The following RBM33 variants were observed in gnomAD, a reference collection of about 807,000 sequenced individuals.
The protein encoded by RBM33 is RNA-binding protein 33.
Under a neutral mutation model 132.6 loss-of-function variants are expected in RBM33, and 28 were observed. The ratio of observed to expected loss-of-function variants is 0.21; its 90% CI spans 0.16 to 0.29. The LOEUF (loss-of-function observed/expected upper bound fraction) is 0.29. Among genes scored for constraint, RBM33 ranks in the 10% least tolerant of loss-of-function variants. RBM33 has a pLI of 1.00. For synonymous variants in RBM33, 634 were observed against 593.0 expected (o/e 1.07, Z -1.01); for missense variants, 1,291 against 1,518.5 (o/e 0.85, Z 2.49).
At chr7:155,666,094 A>G (rs1471838489) in intron 2 of RBM33, among the ~76,000 whole-genome samples, 1 of 152,224 alleles carries the variant, frequency 6.6e-6, no homozygotes, top group East Asian at 1.9e-4. Flanking sequence ...AGGATTCTCC[A>G]GAGGAGCAGA....
chr7:155,747,969 G>A (rs1406544750), intron 14 of RBM33, among the ~76,000 whole-genome samples: 1 of 152,170 alleles, frequency 6.6e-6, no homozygotes, highest in African/African-American at 2.4e-5. Context: ...ATTTATTTTG[G>A]CTTGTGTTTC....
intron 9 of RBM33, among the ~76,000 whole-genome samples, chr7:155,723,302 T>C (rs1800679771): frequency 6.6e-6 from 1 of 152,236 alleles, no homozygotes; most frequent in Non-Finnish European, 1.5e-5. Context: ...TTTTACAACA[T>C]GCTTGCAATG....
At chr7:155,686,867 T>G (rs1799494101) in intron 5 of RBM33, among the ~76,000 whole-genome samples, 1 of 152,336 alleles carries the variant, frequency 6.6e-6, no homozygotes, top group African/African-American at 2.4e-5. Flanking sequence ...ATTTTCTTAA[T>G]CCAGTCTATC....
At chr7:155,729,742 C>CAA (rs5888634) in intron 9 of RBM33, among the ~76,000 whole-genome samples, 135 of 101,376 alleles carry the variant, frequency 1.3e-3, no homozygotes, top group African/African-American at 3.9e-3. Context: ...GTCTCTTTAA[C>CAA]AAAAAAAAAA....
In RBM33 at chr7:155,774,684, G is replaced by A. The variant is rs778821026; in HGVS notation, c.3464+37G>A. On this transcript the variant is annotated intron_variant, in intron 17 of 17. Transcript: ENST00000401878. The surrounding 1 kb of genome is among the most constrained non-coding windows in gnomAD (Gnocchi z 4.2). Reference sequence around the variant, plus strand: ...GTTCTGTGCTTGTGGTGATAAGGGGGCGGGAGCAAGGCCCTCCTTCCTGTG... The same window carrying A: ...GTTCTGTGCTTGTGGTGATAAGGGGACGGGAGCAAGGCCCTCCTTCCTGTG... 6.5e-6 allele frequency: 10 copies of A among 1,531,044 alleles called. No homozygotes were observed. The South Asian group carries it at 1.0e-4, about 15-fold the overall frequency. 94.8% of individuals were successfully genotyped at this position (1,531,044 alleles called of 1,614,324 possible).
In RBM33 at chr7:155,738,127, G is replaced by A. The variant is rs761819758; in HGVS notation, c.1461G>A (p.Pro487=). ...AGCGAAGTCCCCCTCCACCACCACC[G>A]CCTCCTACCCTTCTTAACAGTAGCC... ...LEQRSPPPPP[P]PPTLLNSSHP... Residue 487 remains proline (P), a synonymous_variant, in exon 11 of 18, where the codon CCG becomes CCA. Transcript: ENST00000401878. The A allele has an allele frequency of 2.0e-5, 32 of 1,613,612 alleles. No individual in the cohort carries two copies. The highest frequency in any genetic ancestry group is 9.4e-5 in the African/African-American group (7 of 74,818).
At chr7:155,661,397 T>C (rs954034861) in intron 1 of RBM33, among the ~76,000 whole-genome samples, 8 of 149,402 alleles carry the variant, frequency 5.4e-5, no homozygotes, top group African/African-American at 9.9e-5. Flanking sequence ...GGTTTTTTTT[T>C]TTTCTTTCTT....
intron 14 of RBM33, among the ~76,000 whole-genome samples, chr7:155,751,542 C>G (rs1221281308): frequency 6.6e-6 from 1 of 152,150 alleles, no homozygotes; most frequent in African/African-American, 2.4e-5. Flanking sequence ...GTTTCTTGCC[C>G]TTGACCTTTT....
chr7:155,673,555 TATATACACAC>T (rs1304057051), intron 3 of RBM33, among the ~76,000 whole-genome samples: 1 of 91,692 alleles, frequency 1.1e-5, no homozygotes, highest in Non-Finnish European at 2.2e-5. Context: ...CACGTGTATA[TATATACACAC>T]ATATACATAC....
intron 7 of RBM33, among the ~76,000 whole-genome samples, chr7:155,709,232 A>G (rs1436848802): frequency 6.6e-6 from 1 of 152,116 alleles, no homozygotes; most frequent in East Asian, 1.9e-4. Context: ...GCATATGTTT[A>G]TGAGGTACAG....
chr7:155,742,180 C>G (rs1801365316), intron 13 of RBM33, 74 bp downstream of exon 13: 24 of 1,347,714 alleles, frequency 1.8e-5, no homozygotes, highest in Non-Finnish European at 2.4e-5. Flanking sequence ...TGTCTTAGTT[C>G]ACTCTCACTA....
At chr7:155,691,068 A>T (rs1799624885) in intron 5 of RBM33, among the ~76,000 whole-genome samples, 1 of 152,220 alleles carries the variant, frequency 6.6e-6, no homozygotes, top group South Asian at 2.1e-4. Context: ...AGTGTTTTCC[A>T]ACTTGGTTCC....
chr7:155,737,962 G>A (rs1189162761), intron 10 of RBM33, 98 bp from the exon 11 acceptor site: 1 of 1,096,152 alleles, frequency 9.1e-7, no homozygotes. Context: ...GTCAACACTT[G>A]TGACTTCTGT....
intron 9 of RBM33, among the ~76,000 whole-genome samples, chr7:155,721,657 T>C: frequency 6.7e-6 from 1 of 148,936 alleles, no homozygotes; most frequent in Admixed American, 6.7e-5. Flanking sequence ...TGAGTTATAA[T>C]ACCTCTAGTT....
At chr7:155,672,839 T>TTGACA (rs747639812) in intron 2 of RBM33, 28 bp from the exon 3 acceptor site, 6 of 1,526,486 alleles carry the variant, frequency 3.9e-6, no homozygotes. Context: ...GGAATAATCA[T>TTGACA]TGACATGTCT....
chr7:155,763,793 G>C lies in RBM33; in HGVS notation c.2980-19G>C. 3.1e-6 allele frequency: 5 copies of C among 1,598,780 alleles called. No homozygotes were observed. The highest frequency in any genetic ancestry group is 4.3e-6 in the Non-Finnish European group (5 of 1,172,544). The stretch of plus-strand genomic sequence containing the variant: ...TGGAGCAGACACTGAACAACGTGCT[G>C]CCTTCTTGGTTTCAGCAGGGAGGAG... On this transcript the variant is annotated intron_variant, in intron 14 of 17. Transcript: ENST00000401878.
intron 9 of RBM33, among the ~76,000 whole-genome samples, chr7:155,735,940 A>G (rs927731008): frequency 2.0e-5 from 3 of 152,194 alleles, no homozygotes; most frequent in African/African-American, 7.2e-5. Context: ...AGGCAATAGT[A>G]TGCTGTGGAT....
chr7:155,766,501 G>C lies in RBM33; in HGVS notation c.3221G>C (p.Gly1074Ala). 1 of 1,613,732 alleles carries C rather than the reference G, an allele frequency of 6.2e-7. No homozygotes were observed. Among genetic ancestry groups the C allele is most frequent in the South Asian group, 1.1e-5 (1 of 91,062 alleles). ...CACGGACGAGGCAGAGGAGTGGCCG[G>C]TCCCATGGGCCGGGGGCGCCTGATG... ...IMHGRGRGVAGPMGRGRLMPN... is the reference protein window; with the variant it reads ...IMHGRGRGVAAPMGRGRLMPN... The change falls in exon 16 of 18, where the codon GGT becomes GCT. Residue 1074 changes from glycine to alanine, a missense_variant. Gly to Ala is a moderately conservative substitution (Grantham distance 60). Around this residue, in one of 7 missense-constraint regions of RBM33, gnomAD observed 841 missense variants for 912.0 expected, o/e 0.92. Coordinates refer to ENST00000401878, the MANE Select transcript of RBM33 (RefSeq NM_053043.3).
intron 5 of RBM33, among the ~76,000 whole-genome samples, chr7:155,696,935 ATTAGC>A (rs1469595604): frequency 1.4e-4 from 21 of 152,166 alleles, no homozygotes; most frequent in Admixed American, 7.9e-4. Flanking sequence ...TTTTTTCATG[ATTAGC>A]TTGAGGTTGT....
Sources: allele counts gnomAD v4.1 joint callset (sites outside exome capture counted in the v4.1 genomes callset), GRCh38; gene constraint gnomAD v4.1.1; regional missense constraint gnomAD v4.1.1; non-coding constraint Gnocchi (gnomAD v3.1); transcripts MANE v1.5; gene names NCBI Gene and HGNC (gene_info 2026-07-23, HGNC 2026-07-21).